CNOT10: variants seen among roughly 807,000 people sequenced by gnomAD.
The protein encoded by CNOT10 is CCR4-NOT transcription complex subunit 10, also known as CCR4-NOT transcription complex, subunit 10.
A neutral mutation model predicts 94.6 loss-of-function variants in CNOT10; 30 were observed. The observed-to-expected ratio is 0.32, with a 90% CI of 0.24 to 0.43. The LOEUF is 0.43. Ranked by LOEUF, CNOT10 falls within the 20% of genes least tolerant of loss-of-function variation. The probability of loss-of-function intolerance (pLI) is 1.00; values close to 1 mark genes in which losing one functional copy is unlikely to be tolerated. For missense variants in CNOT10, 759 were observed against 877.2 expected, an observed-to-expected ratio of 0.87 and a Z score of 1.70; for synonymous variants, 289 against 301.6, an observed-to-expected ratio of 0.96 and a Z score of 0.43.
At chr3:32,709,588 G>C (rs1313336730) in intron 4 of CNOT10, among the ~76,000 whole-genome samples, 2 of 152,276 alleles carry the variant, frequency 1.3e-5, no homozygotes, top group East Asian at 3.9e-4. Flanking sequence ...GCTGACAGCT[G>C]GTTGAACAGC....
In CNOT10 at chr3:32,759,499, T is replaced by C; in HGVS notation, c.1637T>C (p.Leu546Ser). 3 of 1,614,140 alleles carry C rather than the reference T, an allele frequency of 1.9e-6. No homozygotes were observed. Among genetic ancestry groups the C allele is most frequent in the Non-Finnish European group, 2.5e-6 (3 of 1,179,986 alleles). Residue 546 changes from leucine (L) to serine (S), a missense_variant, in exon 14 of 19, where the codon TTG (leucine) becomes TCG (serine). Transcript: ENST00000328834. Reference sequence around the variant, plus strand: ...TGCAGTGCCTACGTGGCTCTGGCTTTGGGTGATAACCTCATGGCTTTGAAT... The same window carrying C: ...TGCAGTGCCTACGTGGCTCTGGCTTCGGGTGATAACCTCATGGCTTTGAAT... ...LACSAYVALA[L>S]GDNLMALNHA...
chr3:32,761,319 A>C (rs567954959), intron 14 of CNOT10, among the ~76,000 whole-genome samples: 1 of 152,212 alleles, frequency 6.6e-6, no homozygotes, highest in East Asian at 1.9e-4. Flanking sequence ...GCCCAACTCA[A>C]AATGCCAATG....
At chr3:32,716,348 A>G (rs751180798) in intron 6 of CNOT10, 37 bp downstream of exon 6, 3 of 1,002,760 alleles carry the variant, frequency 3.0e-6, no homozygotes, top group Non-Finnish European at 4.6e-6. Context: ...TACATCACAT[A>G]TATTTAATTG....
chr3:32,770,365 G>T (rs865915195), intron 18 of CNOT10, among the ~76,000 whole-genome samples: 1 of 117,848 alleles, frequency 8.5e-6, no homozygotes, highest in Non-Finnish European at 1.6e-5. Flanking sequence ...TTGCTCTGTA[G>T]CCCAGGCTGG....
intron 4 of CNOT10, among the ~76,000 whole-genome samples, chr3:32,710,142 G>A (rs1461027819): frequency 3.2e-5 from 2 of 61,556 alleles, no homozygotes; most frequent in African/African-American, 1.4e-4. Flanking sequence ...AGCAAAACTT[G>A]CTCTCAAAAA....
At chr3:32,748,808 G>A (rs931108892) in intron 13 of CNOT10, among the ~76,000 whole-genome samples, 1 of 151,358 alleles carries the variant, frequency 6.6e-6, no homozygotes, top group African/African-American at 2.4e-5. Flanking sequence ...CACCATGCCC[G>A]GCCTGTTTTT....
chr3:32,692,192 T>C (rs1179502333), intron 1 of CNOT10, among the ~76,000 whole-genome samples: 1 of 152,098 alleles, frequency 6.6e-6, no homozygotes, highest in Non-Finnish European at 1.5e-5. Flanking sequence ...TAAAACCCTG[T>C]CTCTACAAAA....
chr3:32,752,226 T>G (rs1276237804), intron 13 of CNOT10, among the ~76,000 whole-genome samples: 1 of 151,688 alleles, frequency 6.6e-6, no homozygotes, highest in Non-Finnish European at 1.5e-5. Flanking sequence ...GAGGCAGAGA[T>G]TGTGGTGAGC....
intron 13 of CNOT10, chr3:32,753,630 C>A: frequency 6.4e-7 from 1 of 1,572,976 alleles, no homozygotes; most frequent in Non-Finnish European, 8.7e-7. Flanking sequence ...GTGTAAAGCA[C>A]CTACATCCAT....
chr3:32,688,630 A>G (rs1398661324), intron 1 of CNOT10, among the ~76,000 whole-genome samples: 1 of 151,556 alleles, frequency 6.6e-6, no homozygotes, highest in Non-Finnish European at 1.5e-5. Context: ...GAAAAAAATG[A>G]GTAAGAGAGG....
intron 1 of CNOT10, among the ~76,000 whole-genome samples, chr3:32,689,036 C>G (rs1337115093): frequency 6.6e-6 from 1 of 151,852 alleles, no homozygotes; most frequent in East Asian, 1.9e-4. Context: ...TACCCCGTCT[C>G]TACTAAAAAT....
At chr3:32,741,741 C>T (rs1475426848) in intron 13 of CNOT10, among the ~76,000 whole-genome samples, 2 of 148,568 alleles carry the variant, frequency 1.3e-5, no homozygotes, top group Non-Finnish European at 3.0e-5. Flanking sequence ...TGCCCCCCAG[C>T]CTGGGCGACA....
chr3:32,694,212 G>A (rs947579067), intron 1 of CNOT10, among the ~76,000 whole-genome samples: 1 of 151,750 alleles, frequency 6.6e-6, no homozygotes, highest in Non-Finnish European at 1.5e-5. Flanking sequence ...GTAACAAACT[G>A]TAGAAATGAT....
chr3:32,726,807 C>T (rs1402159702), intron 9 of CNOT10, among the ~76,000 whole-genome samples: 1 of 148,366 alleles, frequency 6.7e-6, no homozygotes, highest in Non-Finnish European at 1.5e-5. Flanking sequence ...GTCATGAACA[C>T]ATGACAATAA....
At chr3:32,770,351 A>G (rs1575319513) in intron 18 of CNOT10, among the ~76,000 whole-genome samples, 2 of 104,692 alleles carry the variant, frequency 1.9e-5, no homozygotes, top group African/African-American at 3.8e-5. Flanking sequence ...TTTGAGACAG[A>G]GTCTTGCTCT....
Position 32,730,521 on chromosome 3 carries a change from C to G in CNOT10, c.1215+2651C>G, listed in dbSNP as rs1220131181. 5 of 151,854 alleles carry G rather than the reference C, an allele frequency of 3.3e-5. No individual in the cohort carries two copies. In the East Asian group the frequency reaches 9.6e-4, roughly 29 times the overall value. The allele number at this position is 151,854 out of a possible 1,614,324, so 9.4% of individuals were successfully genotyped here. A position where few individuals can be genotyped will look rare whatever the true frequency, so the allele number is the denominator to read the frequency against. The stretch of plus-strand genomic sequence containing the variant: ...CACCAGTAATATCTTTGTGCTTTTC[C>G]TCCTCCTAAAAAAAAACTTTAGGGT... On this transcript the variant is annotated intron_variant, in intron 10 of 18. Transcript: ENST00000328834.
At chr3:32,744,965 G>A (rs1257770306) in intron 13 of CNOT10, among the ~76,000 whole-genome samples, 1 of 152,076 alleles carries the variant, frequency 6.6e-6, no homozygotes, top group East Asian at 1.9e-4. Context: ...TGCAACCTCC[G>A]CCTCCTGGGT....
At chr3:32,739,226 G>A (rs534810489) in intron 13 of CNOT10, among the ~76,000 whole-genome samples, 22 of 152,100 alleles carry the variant, frequency 1.4e-4, no homozygotes, top group Non-Finnish European at 2.9e-4. Flanking sequence ...TGTGATATTT[G>A]TGGGATCTCT....
intron 8 of CNOT10, among the ~76,000 whole-genome samples, chr3:32,720,953 C>T (rs533850334): frequency 7.6e-5 from 11 of 145,006 alleles, no homozygotes; most frequent in African/African-American, 2.3e-4. Context: ...CCTTCCTTCC[C>T]TTCCCTCCCT....
Sources: allele counts gnomAD v4.1 joint callset (sites outside exome capture counted in the v4.1 genomes callset), GRCh38; gene constraint gnomAD v4.1.1; transcripts MANE v1.5; gene names NCBI Gene and HGNC (gene_info 2026-07-23, HGNC 2026-07-21).